The following PRIM2 variants were observed in gnomAD, a reference collection of about 807,000 sequenced individuals.
The protein encoded by PRIM2 is DNA primase large subunit.
PRIM2 carries 39 observed loss-of-function variants against 67.3 expected under a neutral mutation model. The ratio of observed to expected loss-of-function variants is 0.58; its 90% CI spans 0.45 to 0.76. The LOEUF is 0.76. Ranked by LOEUF, PRIM2 falls within the 30% of genes least tolerant of loss-of-function variation. PRIM2 has a pLI of 0.00. For missense variants in PRIM2, 398 were observed against 598.7 expected (o/e 0.66, Z 3.50); for synonymous variants, 143 against 198.7 (o/e 0.72, Z 2.36).
chr6:57,317,505 ACCTT>A (rs1767515441), upstream of PRIM2: 3 of 152,692 alleles, frequency 2.0e-5, no homozygotes, highest in Admixed American at 6.5e-5. Context: ...TGGACGGAAC[ACCTT>A]GAATTCCCAG....
chr6:57,248,435 T>C, the PRIM2 span, among the ~76,000 whole-genome samples: 1 of 152,268 alleles, frequency 6.6e-6, no homozygotes, highest in East Asian at 1.9e-4. Context: ...TTCGAACAAA[T>C]AATTGAACAA....
intron 10 of PRIM2, among the ~76,000 whole-genome samples, chr6:57,586,128 G>T (rs1358298251): frequency 2.0e-5 from 3 of 152,142 alleles, no homozygotes; most frequent in Non-Finnish European, 2.9e-5. Flanking sequence ...GAGAGAAATT[G>T]TGGGGAATCA....
chr6:57,356,051 A>G (rs1769019876), intron 5 of PRIM2, among the ~76,000 whole-genome samples: 1 of 152,188 alleles, frequency 6.6e-6, no homozygotes. Context: ...TCTGAGGTAT[A>G]GACATATGAA....
intron 10 of PRIM2, among the ~76,000 whole-genome samples, chr6:57,540,093 G>A (rs1424394715): frequency 3.3e-5 from 5 of 152,074 alleles, no homozygotes; most frequent in Non-Finnish European, 5.9e-5. Flanking sequence ...CTCTTCAAGC[G>A]ATGTGAGAAT....
chr6:57,591,648 G>T (rs1339878864), intron 10 of PRIM2, among the ~76,000 whole-genome samples: 2 of 152,162 alleles, frequency 1.3e-5, no homozygotes, highest in Non-Finnish European at 2.9e-5. Context: ...GTATCTGGCT[G>T]TTATTAAAAA....
At position 57,325,175 on chromosome 6, in the gene PRIM2, GC is replaced by G. The variant is rs1404841575; in HGVS notation, c.339-749del. On this transcript the variant is annotated intron_variant, in intron 4 of 13. Transcript: ENST00000615550. ...TAAAGCCATAAGCAAAGTTTCCTTT[GC>G]AAAGTTAATCTGATCAAAGTTGCCT... is the stretch of plus-strand genomic sequence containing the variant. Among the ~76,000 whole-genome samples, 3 of 152,140 alleles carry G rather than the reference GC, an allele frequency of 2.0e-5. No individual in the cohort carries two copies. The East Asian group carries it at 5.8e-4, about 29-fold the overall frequency.
intron 5 of PRIM2, among the ~76,000 whole-genome samples, chr6:57,338,298 A>C (rs1308532349): frequency 6.6e-6 from 1 of 152,190 alleles, no homozygotes; most frequent in Non-Finnish European, 1.5e-5. Context: ...AACTGGTACC[A>C]TTCCTTCTGA....
chr6:57,312,859 T>G (rs1012964992), upstream of PRIM2, among the ~76,000 whole-genome samples: 23 of 152,294 alleles, frequency 1.5e-4, no homozygotes, highest in African/African-American at 5.5e-4. Context: ...CATCTGGAAT[T>G]GATTTTTTAT....
chr6:57,545,217 T>C (rs1331395315), intron 10 of PRIM2, among the ~76,000 whole-genome samples: 2 of 152,086 alleles, frequency 1.3e-5, no homozygotes, highest in African/African-American at 4.8e-5. Context: ...ATATTTAACA[T>C]AGTATCATAT....
intron 7 of PRIM2, among the ~76,000 whole-genome samples, chr6:57,446,267 A>G (rs994330334): frequency 5.4e-5 from 8 of 148,394 alleles, no homozygotes; most frequent in South Asian, 2.2e-4. Flanking sequence ...CTACCTCAGG[A>G]TCATGAGTAA....
At chr6:57,294,968 C>T in the PRIM2 span, among the ~76,000 whole-genome samples, 41 of 152,170 alleles carry the variant, frequency 2.7e-4, no homozygotes, top group African/African-American at 9.9e-4. Context: ...GCTGCCATGC[C>T]TAACTAATTT....
chr6:57,467,105 CAAAA>C (rs1268292523), intron 7 of PRIM2, among the ~76,000 whole-genome samples: 1 of 94,282 alleles, frequency 1.1e-5, no homozygotes, highest in Non-Finnish European at 2.1e-5. Context: ...AACTCCATCT[CAAAA>C]AAAAAAAAAA....
chr6:57,560,425 A>T (rs1775604179), intron 10 of PRIM2, among the ~76,000 whole-genome samples: 1 of 149,942 alleles, frequency 6.7e-6, no homozygotes, highest in African/African-American at 2.5e-5. Context: ...AAATCAACTT[A>T]TTCCAAACTC....
intron 10 of PRIM2, among the ~76,000 whole-genome samples, chr6:57,570,237 G>T (rs1390436446): frequency 1.9e-4 from 29 of 152,318 alleles, no homozygotes; most frequent in African/African-American, 7.0e-4. Flanking sequence ...ATGTGAAAGA[G>T]CTGTGTATAC....
the PRIM2 span, among the ~76,000 whole-genome samples, chr6:57,291,492 T>C: frequency 6.6e-6 from 1 of 152,174 alleles, no homozygotes; most frequent in East Asian, 1.9e-4. Flanking sequence ...CCCTAACTCA[T>C]TTCATGAGGC....
At chr6:57,450,067 A>C (rs1006588442) in intron 7 of PRIM2, among the ~76,000 whole-genome samples, 3 of 152,182 alleles carry the variant, frequency 2.0e-5, no homozygotes, top group Admixed American at 6.5e-5. Flanking sequence ...AAATTTATAC[A>C]ATCTTTAAAA....
intron 10 of PRIM2, among the ~76,000 whole-genome samples, chr6:57,562,356 AGCACAATGAAATGG>A (rs1280626955): frequency 1.3e-5 from 2 of 152,186 alleles, no homozygotes; most frequent in Non-Finnish European, 2.9e-5. Context: ...CTATCTATGA[AGCACAATGAAATGG>A]GCACAATAAG....
At chr6:57,350,711 G>T (rs556149897) in intron 5 of PRIM2, among the ~76,000 whole-genome samples, 1 of 152,126 alleles carries the variant, frequency 6.6e-6, no homozygotes, top group Non-Finnish European at 1.5e-5. Context: ...CTTCAGTGCC[G>T]CGTGGTTCTT....
intron 7 of PRIM2, among the ~76,000 whole-genome samples, chr6:57,417,190 C>T (rs1268508616): frequency 6.6e-6 from 1 of 152,168 alleles, no homozygotes; most frequent in African/African-American, 2.4e-5. Context: ...TAGCCTCGAA[C>T]TCCTGACCTC....
Sources: gnomAD v4.1 joint callset for allele counts (sites outside exome capture counted in the v4.1 genomes callset) on GRCh38, gnomAD v4.1.1 for gene constraint, MANE v1.5 for transcripts, NCBI Gene and HGNC (gene_info 2026-07-23, HGNC 2026-07-21) for gene names.